SNX29: variants seen among roughly 807,000 people sequenced by gnomAD.
The protein encoded by SNX29 is sorting nexin 29.
In SNX29, 78 loss-of-function variants were observed where a neutral mutation model predicts 102.1. The observed-to-expected ratio is 0.76, with a 90% confidence interval of 0.64 to 0.92. SNX29 has a LOEUF of 0.92. SNX29 is among the 40% of genes least tolerant of loss of function. SNX29 has a pLI of 0.00. For synonymous variants in SNX29, 580 were observed against 414.5 expected (o/e 1.40, Z -4.85); for missense variants, 1,280 against 1,061.7 (o/e 1.21, Z -2.86).
At chr16:12,405,580 A>T (rs2084127749) in intron 18 of SNX29, among the ~76,000 whole-genome samples, 1 of 152,170 alleles carries the variant, frequency 6.6e-6, no homozygotes, top group Non-Finnish European at 1.5e-5. Context: ...TTAGCAAATG[A>T]TGCTTCTGAT....
intron 15 of SNX29, among the ~76,000 whole-genome samples, chr16:12,309,062 T>C (rs2080444907): frequency 1.3e-5 from 2 of 152,314 alleles, no homozygotes; most frequent in African/African-American, 2.4e-5. Flanking sequence ...GCCATTAGCA[T>C]TGACAGAACC....
rs2151373358 is a variant in SNX29, at chr16:12,369,152, T to C, written c.1899+12873T>C. The stretch of plus-strand genomic sequence containing the variant: ...AGCATGTTCATATCTTTTTTTTTTT[T>C]TGAGACGGAGTTTTGCTCTGTCACT... On this transcript the variant is annotated intron_variant, in intron 16 of 20. Transcript: ENST00000566228. Among the ~76,000 whole-genome samples, 5 of 152,222 alleles carry C rather than the reference T, an allele frequency of 3.3e-5. No individual in the cohort carries two copies. The Middle Eastern group carries it at 0.014, about 414-fold the overall frequency.
intron 9 of SNX29, 75 bp downstream of exon 9, chr16:12,061,721 C>A: frequency 7.5e-7 from 1 of 1,339,910 alleles, no homozygotes; most frequent in Non-Finnish European, 1.0e-6. Flanking sequence ...GTCTGAGTTC[C>A]CTGGACAGGT....
At chr16:12,225,504 G>A (rs577145389) in intron 14 of SNX29, among the ~76,000 whole-genome samples, 1 of 152,260 alleles carries the variant, frequency 6.6e-6, no homozygotes, top group African/African-American at 2.4e-5. Flanking sequence ...TGCCATCCAC[G>A]TAAGATATGA....
At chr16:12,538,905 T>C (rs1293576062) in intron 20 of SNX29, among the ~76,000 whole-genome samples, 1 of 104,942 alleles carries the variant, frequency 9.5e-6, no homozygotes, top group Non-Finnish European at 1.8e-5. Context: ...TAATGACCTG[T>C]TCTAAGTGGG....
intron 4 of SNX29, among the ~76,000 whole-genome samples, chr16:12,033,872 G>A (rs1408142886): frequency 1.3e-5 from 2 of 152,194 alleles, no homozygotes; most frequent in Non-Finnish European, 2.9e-5. Flanking sequence ...CTCCCAAAGT[G>A]TTAGGATTAC....
intron 15 of SNX29, among the ~76,000 whole-genome samples, chr16:12,309,773 G>C (rs893491659): frequency 6.6e-6 from 1 of 152,150 alleles, no homozygotes; most frequent in Non-Finnish European, 1.5e-5. Context: ...GAGTGGTTTG[G>C]AGGAATTGGA....
At chr16:12,093,292 CAGGCAGA>C (rs2151415438) in intron 11 of SNX29, among the ~76,000 whole-genome samples, 1 of 152,294 alleles carries the variant, frequency 6.6e-6, no homozygotes, top group Admixed American at 6.5e-5. Context: ...GAACATGGGT[CAGGCAGA>C]CCACAGCACT....
At chr16:12,182,042 C>A (rs543108260) in intron 13 of SNX29, among the ~76,000 whole-genome samples, 1 of 152,030 alleles carries the variant, frequency 6.6e-6, no homozygotes, top group Non-Finnish European at 1.5e-5. Context: ...CGCCACCACG[C>A]CTGGTTAATT....
At chr16:12,538,735 A>G (rs529478678) in intron 20 of SNX29, among the ~76,000 whole-genome samples, 1 of 152,268 alleles carries the variant, frequency 6.6e-6, no homozygotes. Flanking sequence ...CAGACAGGAG[A>G]AGCACACCCA....
At chr16:12,237,379 C>G (rs145139774) in intron 14 of SNX29, among the ~76,000 whole-genome samples, 2 of 152,202 alleles carry the variant, frequency 1.3e-5, no homozygotes, top group Non-Finnish European at 2.9e-5. Context: ...ATCTCTAAGC[C>G]TCCCAGATTT....
Position 12,477,848 on chromosome 16 carries a change from A to T in SNX29, c.2167A>T (p.Ile723Phe). 6.2e-7 allele frequency: 1 copy of T among 1,607,110 alleles called. No individual in the cohort carries two copies. Among genetic ancestry groups the T allele is most frequent in the East Asian group, 2.2e-5 (1 of 44,776 alleles). Residue 723 changes from isoleucine (I) to phenylalanine (F), a missense_variant, in exon 19 of 21, where the codon ATT (isoleucine) becomes TTT (phenylalanine). Ile to Phe is a conservative substitution (Grantham distance 21, BLOSUM62 0). Transcript: ENST00000566228. ...CTACAACTTCCCACCCAAAAAGGCC[A>T]TTGGAAACAAGGTACCATCCCGTGC... The part of the protein sequence containing the change: ...RAYNFPPKKA[I>F]GNKDAKFVEE...
chr16:12,177,279 C>T (rs2141807241), intron 13 of SNX29, among the ~76,000 whole-genome samples: 1 of 152,276 alleles, frequency 6.6e-6, no homozygotes, highest in South Asian at 2.1e-4. Context: ...TGTTTTACTT[C>T]TGTGTCGGTG....
rs1172137841 is a variant in SNX29, at chr16:12,164,781, G to A, written c.1596-34820G>A. Among the ~76,000 whole-genome samples the A allele has an allele frequency of 2.8e-5, 4 of 143,904 alleles. 1 individual carries two copies. The highest frequency in any genetic ancestry group is 4.6e-4 in the South Asian group (2 of 4,386). 94.4% of individuals were successfully genotyped at this position (143,904 alleles called of 152,430 possible). On this transcript the variant is annotated intron_variant, in intron 13 of 20. Transcript: ENST00000566228. ...TAGCTCACTGCAACATCCGCCTCCCGGGTTCAAGCAGCTCTCCTGCCTCAG... is the reference window on the plus strand; with the variant it reads ...TAGCTCACTGCAACATCCGCCTCCCAGGTTCAAGCAGCTCTCCTGCCTCAG...
chr16:12,194,665 C>T (rs2076726077), intron 13 of SNX29, among the ~76,000 whole-genome samples: 2 of 144,348 alleles, frequency 1.4e-5, no homozygotes, highest in African/African-American at 2.5e-5. Flanking sequence ...CAGACTCTGT[C>T]ACCTAGGCTG....
chr16:12,297,681 A>G (rs1031295504), intron 15 of SNX29, among the ~76,000 whole-genome samples: 6 of 152,156 alleles, frequency 3.9e-5, no homozygotes, highest in African/African-American at 1.4e-4. Context: ...CATACTTCAG[A>G]TCATTTCTCT....
intron 13 of SNX29, among the ~76,000 whole-genome samples, chr16:12,130,861 C>T (rs976848073): frequency 6.6e-6 from 1 of 152,070 alleles, no homozygotes; most frequent in African/African-American, 2.4e-5. Context: ...CCTGACATTT[C>T]CTTGTCTGAC....
rs2050246521 is a variant in SNX29, at chr16:12,050,218, A to G, written c.748+1598A>G. On this transcript the variant is annotated intron_variant, in intron 7 of 20. Transcript: ENST00000566228. ...TTTGAGGTGATCTCAGAGTTGTGCT[A>G]TACCAGTGAGGCCTCACCGCATCAC... 3.9e-5 allele frequency among the ~76,000 whole-genome samples: 6 copies of G among 152,212 alleles called. No homozygotes were observed. In the South Asian group the frequency reaches 6.2e-4, roughly 16 times the overall value.
intron 18 of SNX29, among the ~76,000 whole-genome samples, chr16:12,455,039 C>T (rs1395010157): frequency 2.6e-5 from 4 of 152,334 alleles, no homozygotes; most frequent in Non-Finnish European, 4.4e-5. Context: ...TGAGCCATCA[C>T]GCCTGGCCCG....
Sources: gnomAD v4.1 joint callset for allele counts (sites outside exome capture counted in the v4.1 genomes callset) on GRCh38, gnomAD v4.1.1 for gene constraint, MANE v1.5 for transcripts, NCBI Gene and HGNC (gene_info 2026-07-23, HGNC 2026-07-21) for gene names.